Variants in CDH13 observed in about 807,000 individuals in gnomAD.
CDH13 encodes the protein cadherin 13, also known as cadherin-13.
Under a neutral mutation model 63.8 loss-of-function variants are expected in CDH13, and 24 were observed. The observed-to-expected ratio is 0.38, with a 90% confidence interval of 0.27 to 0.53. The LOEUF (loss-of-function observed/expected upper bound fraction) is 0.53. Among genes scored for constraint, CDH13 ranks in the 20% least tolerant of loss-of-function variants. The pLI is 0.85. For missense variants in CDH13, 1,049 were observed against 903.1 expected, an observed-to-expected ratio of 1.16 and a Z score of -2.07; for synonymous variants, 503 against 355.3, an observed-to-expected ratio of 1.42 and a Z score of -4.67.
At chr16:83,604,187 C>G (rs1908113763) in intron 8 of CDH13, among the ~76,000 whole-genome samples, 3 of 152,120 alleles carry the variant, frequency 2.0e-5, no homozygotes, top group Admixed American at 6.6e-5. Context: ...TAGACGTCCC[C>G]CTTTCTCCCT....
intron 6 of CDH13, among the ~76,000 whole-genome samples, chr16:83,395,790 C>G (rs1308984875): frequency 1.3e-5 from 2 of 152,114 alleles, no homozygotes; most frequent in African/African-American, 4.8e-5. Flanking sequence ...TTCACCTTTC[C>G]GTTCTTTTTT....
At chr16:82,705,066 C>T (rs2031375714) in intron 1 of CDH13, 1 of 445,092 alleles carries the variant, frequency 2.2e-6, no homozygotes, top group African/African-American at 2.0e-5. Context: ...TTGTAGACAC[C>T]AGTGAGGCCT....
intron 3 of CDH13, among the ~76,000 whole-genome samples, chr16:83,072,613 AC>A (rs2032521059): frequency 6.6e-6 from 1 of 152,338 alleles, no homozygotes; most frequent in Admixed American, 6.5e-5. Context: ...GTCTTCTTTT[AC>A]CAGCTGTGTG....
At chr16:83,415,479 C>T (rs1383662892) in intron 6 of CDH13, among the ~76,000 whole-genome samples, 3 of 152,102 alleles carry the variant, frequency 2.0e-5, no homozygotes, top group Non-Finnish European at 2.9e-5. Context: ...AACAAAAGAC[C>T]AATATCCCTG....
chr16:82,961,473 T>G (rs1015036764), intron 2 of CDH13, among the ~76,000 whole-genome samples: 7 of 151,264 alleles, frequency 4.6e-5, no homozygotes, highest in Non-Finnish European at 8.8e-5. Context: ...TGTGAAAGAG[T>G]TGAAATGAAC....
chr16:82,900,063 C>T (rs1376397949), intron 2 of CDH13, among the ~76,000 whole-genome samples: 2 of 152,132 alleles, frequency 1.3e-5, no homozygotes, highest in East Asian at 1.9e-4. Context: ...TTTCTATTTC[C>T]CAGAAACATG....
intron 2 of CDH13, among the ~76,000 whole-genome samples, chr16:82,986,129 G>A (rs970019572): frequency 6.6e-6 from 1 of 152,226 alleles, no homozygotes; most frequent in Non-Finnish European, 1.5e-5. Context: ...TTGTAGAGAT[G>A]TTGTGGGACA....
At chr16:83,628,306 C>T (rs1005955291) in intron 8 of CDH13, among the ~76,000 whole-genome samples, 1 of 152,170 alleles carries the variant, frequency 6.6e-6, no homozygotes, top group African/African-American at 2.4e-5. Context: ...CAGGGTTTCC[C>T]CTTGTTGCCC....
At chr16:83,300,326 C>G (rs963671892) in intron 5 of CDH13, among the ~76,000 whole-genome samples, 3 of 152,204 alleles carry the variant, frequency 2.0e-5, no homozygotes, top group Admixed American at 6.5e-5. Context: ...AGAGATAGGT[C>G]AAAATATTTA....
At chr16:83,507,689 G>T (rs2074434573) in intron 7 of CDH13, among the ~76,000 whole-genome samples, 1 of 152,126 alleles carries the variant, frequency 6.6e-6, no homozygotes, top group South Asian at 2.1e-4. Flanking sequence ...GACATCCTTG[G>T]TTTTAAATAA....
At chr16:83,707,763 A>G (rs2150918753) in intron 10 of CDH13, among the ~76,000 whole-genome samples, 1 of 148,564 alleles carries the variant, frequency 6.7e-6, no homozygotes, top group South Asian at 2.2e-4. Flanking sequence ...AGAGGGAAGG[A>G]GAAAGAGTGA....
At chr16:83,411,146 A>G (rs2092120386) in intron 6 of CDH13, among the ~76,000 whole-genome samples, 2 of 152,138 alleles carry the variant, frequency 1.3e-5, no homozygotes, top group East Asian at 1.9e-4. Flanking sequence ...TGCCAACCTC[A>G]TTCCTGTCTC....
chr16:83,625,273 T>C (rs532834651), intron 8 of CDH13, among the ~76,000 whole-genome samples: 1 of 152,286 alleles, frequency 6.6e-6, no homozygotes, highest in African/African-American at 2.4e-5. Flanking sequence ...GACCCTGTGT[T>C]ATCTTTGCAG....
At chr16:82,746,495 A>G (rs1273989320) in intron 1 of CDH13, among the ~76,000 whole-genome samples, 1 of 152,078 alleles carries the variant, frequency 6.6e-6, no homozygotes, top group Non-Finnish European at 1.5e-5. Flanking sequence ...CTGAAGAATT[A>G]ATCTAAGACT....
intron 7 of CDH13, among the ~76,000 whole-genome samples, chr16:83,559,421 A>G (rs1026914656): frequency 1.3e-5 from 2 of 152,112 alleles, no homozygotes; most frequent in Non-Finnish European, 2.9e-5. Context: ...AAAATATGAA[A>G]TTAGCTGGGC....
intron 8 of CDH13, among the ~76,000 whole-genome samples, chr16:83,645,648 C>A (rs1410016674): frequency 1.3e-5 from 2 of 152,060 alleles, no homozygotes; most frequent in South Asian, 2.1e-4. Context: ...AGCAAAGCCC[C>A]TTCCCCATCC....
chr16:83,317,174 G>C (rs931221920), intron 5 of CDH13, among the ~76,000 whole-genome samples: 6 of 152,196 alleles, frequency 3.9e-5, no homozygotes, highest in Non-Finnish European at 7.3e-5. Context: ...CCAAATGTCA[G>C]CAGTGCTAAG....
chr16:83,734,554 G>A (rs508309), intron 10 of CDH13, among the ~76,000 whole-genome samples: 72,413 of 149,316 alleles, frequency 0.48, 19,511 homozygotes, highest in Non-Finnish European at 0.61. Flanking sequence ...GACACAGGAA[G>A]GGGAACATCA....
intron 5 of CDH13, among the ~76,000 whole-genome samples, chr16:83,230,093 G>C (rs929222600): frequency 3.9e-5 from 6 of 152,228 alleles, no homozygotes; most frequent in African/African-American, 1.4e-4. Context: ...CAGAGGTCTT[G>C]GTCAGAGGTC....
Sources: allele counts gnomAD v4.1 joint callset (sites outside exome capture counted in the v4.1 genomes callset), GRCh38; gene constraint gnomAD v4.1.1; transcripts MANE v1.5; gene names NCBI Gene and HGNC (gene_info 2026-07-23, HGNC 2026-07-21).